The following EMCN variants were observed in gnomAD, a reference collection of about 807,000 sequenced individuals.
The protein encoded by EMCN is endomucin.
A neutral mutation model predicts 38.4 loss-of-function variants in EMCN; 37 were observed. The observed-to-expected ratio is 0.96, with a 90% CI of 0.74 to 1.27. EMCN has a LOEUF of 1.27. Among genes scored for constraint, EMCN ranks in the 50% most tolerant of loss-of-function variants. The pLI, the probability that EMCN is intolerant of heterozygous loss-of-function variation, is 0.00. For missense variants in EMCN, 318 were observed against 302.8 expected, an observed-to-expected ratio of 1.05 and a Z score of -0.37; for synonymous variants, 95 against 100.8, an observed-to-expected ratio of 0.94 and a Z score of 0.35.
chr4:100,405,140 T>C (rs1315561927), intron 11 of EMCN, among the ~76,000 whole-genome samples: 1 of 152,092 alleles, frequency 6.6e-6, no homozygotes, highest in Non-Finnish European at 1.5e-5. Flanking sequence ...TTTCTAGGTA[T>C]AGAAACATAT....
chr4:100,444,256 G>T lies in EMCN; in HGVS notation c.415+3277C>A, dbSNP rs138507879. Among the ~76,000 whole-genome samples the T allele has an allele frequency of 1.8e-4, 27 of 152,302 alleles. No homozygotes were observed. The East Asian group carries it at 4.4e-3, about 25-fold the overall frequency. ...GGGATGTGTTGTGCCACATCTGTCTGGCCCCAGAAATCATGTCCATATGGG... is the reference window on the plus strand; with the variant it reads ...GGGATGTGTTGTGCCACATCTGTCTTGCCCCAGAAATCATGTCCATATGGG... On this transcript the variant is annotated intron_variant, in intron 5 of 11. Coordinates refer to ENST00000296420, the MANE Select transcript of EMCN (RefSeq NM_016242.4).
chr4:100,449,628 C>T (rs1727783195), intron 4 of EMCN, among the ~76,000 whole-genome samples: 1 of 152,010 alleles, frequency 6.6e-6, no homozygotes, highest in South Asian at 2.1e-4. Context: ...AGGTCATAAC[C>T]TTTCTTGGTA....
intron 1 of EMCN, among the ~76,000 whole-genome samples, chr4:100,487,326 A>G (rs1465264737): frequency 6.6e-6 from 1 of 152,180 alleles, no homozygotes; most frequent in Non-Finnish European, 1.5e-5. Context: ...GTAGGGAGCA[A>G]CAAAAGCAAT....
chr4:100,417,928 C>G (rs185222050), intron 8 of EMCN, among the ~76,000 whole-genome samples: 140 of 152,278 alleles, frequency 9.2e-4, no homozygotes, highest in Non-Finnish European at 1.7e-3. Context: ...GCTTCTGTTT[C>G]TTAGATTTCC....
intron 4 of EMCN, among the ~76,000 whole-genome samples, chr4:100,454,671 G>A (rs763420471): frequency 6.6e-6 from 1 of 152,108 alleles, no homozygotes; most frequent in African/African-American, 2.4e-5. Flanking sequence ...TTTTTCTGCG[G>A]AATGTGTTTT....
intron 5 of EMCN, among the ~76,000 whole-genome samples, chr4:100,425,181 A>ACACACACACACACG (rs1292286693): frequency 1.6e-4 from 25 of 151,734 alleles, no homozygotes; most frequent in Non-Finnish European, 3.5e-4. Context: ...ACACACACAC[A>ACACACACACACACG]CACAATTACT....
chr4:100,433,057 A>G (rs1388692290), intron 5 of EMCN, among the ~76,000 whole-genome samples: 2 of 152,168 alleles, frequency 1.3e-5, no homozygotes, highest in Non-Finnish European at 2.9e-5. Context: ...CTTATGTTGT[A>G]CAATAGACTC....
At chr4:100,490,111 A>C (rs1158594820) in intron 1 of EMCN, among the ~76,000 whole-genome samples, 3 of 151,708 alleles carry the variant, frequency 2.0e-5, no homozygotes, top group Non-Finnish European at 4.4e-5. Context: ...TGATGATCAT[A>C]GCCCTGTGTA....
chr4:100,473,365 G>GTTTTTTTTTTTTTTTTTTTTTTTTTTTT lies in EMCN; in HGVS notation c.259+1672_259+1673insAAAAAAAAAAAAAAAAAAAAAAAAAAAA. Among the ~76,000 whole-genome samples the GTTTTTTTTTTTTTTTTTTTTTTTTTTTT allele has an allele frequency of 5.0e-4, 15 of 29,874 alleles. 4 individuals carry two copies. The highest frequency in any genetic ancestry group is 1.9e-3 in the East Asian group (2 of 1,034). 19.6% of individuals were successfully genotyped at this position (29,874 alleles called of 152,430 possible). A position where few individuals can be genotyped will look rare whatever the true frequency, so the allele number is the denominator to read the frequency against. On this transcript the variant is annotated intron_variant, in intron 3 of 11. Transcript: ENST00000296420. ...TTCTAATGGGCATTTCCCGTTTCGT[G>GTTTTTTTTTTTTTTTTTTTTTTTTTTTT]TTTTTTTGTTTTTTTTTTTTGTTTT...
chr4:100,462,908 G>T (rs1309280021), intron 4 of EMCN, among the ~76,000 whole-genome samples: 5 of 152,110 alleles, frequency 3.3e-5, no homozygotes, highest in Non-Finnish European at 4.4e-5. Context: ...TTCTAGACAA[G>T]AGTAGGTCTT....
intron 11 of EMCN, among the ~76,000 whole-genome samples, chr4:100,407,886 A>G (rs1297207214): frequency 6.6e-6 from 1 of 152,106 alleles, no homozygotes; most frequent in Non-Finnish European, 1.5e-5. Context: ...TTGTCTTTTT[A>G]CATAATCTCA....
At chr4:100,475,148 A>G (rs774533521) in intron 2 of EMCN, 39 bp from the exon 3 acceptor site, 12 of 989,152 alleles carry the variant, frequency 1.2e-5, no homozygotes, top group Middle Eastern at 2.2e-4. Context: ...ATTAATCATA[A>G]TCTCATGTTA....
chr4:100,443,604 T>G (rs1164453351), intron 5 of EMCN, among the ~76,000 whole-genome samples: 1 of 152,236 alleles, frequency 6.6e-6, no homozygotes, highest in East Asian at 1.9e-4. Context: ...ATAGCAGCAC[T>G]GGGAGCCAGG....
intron 4 of EMCN, among the ~76,000 whole-genome samples, chr4:100,454,295 T>C (rs906034780): frequency 6.7e-6 from 1 of 150,078 alleles, no homozygotes; most frequent in African/African-American, 2.5e-5. Flanking sequence ...TGCAAGGAAG[T>C]TTTACACTCA....
intron 1 of EMCN, among the ~76,000 whole-genome samples, chr4:100,512,497 T>G (rs773348530): frequency 5.9e-5 from 9 of 152,148 alleles, no homozygotes; most frequent in African/African-American, 9.7e-5. Context: ...ACACAGGAAT[T>G]GAAAGTTACT....
chr4:100,441,790 A>G (rs1269162326), intron 5 of EMCN, among the ~76,000 whole-genome samples: 1 of 152,060 alleles, frequency 6.6e-6, no homozygotes, highest in African/African-American at 2.4e-5. Context: ...CTTTCCCCTC[A>G]CAATTTGCTT....
chr4:100,486,493 G>A (rs1728945914), intron 1 of EMCN, among the ~76,000 whole-genome samples: 1 of 152,186 alleles, frequency 6.6e-6, no homozygotes, highest in African/African-American at 2.4e-5. Flanking sequence ...AAGTATTGTA[G>A]CAAGCACAAC....
In EMCN at chr4:100,397,211, AAT is replaced by A. The variant is rs1726142888; in HGVS notation, c.*1200_*1201del. 2 of 152,162 alleles carry A rather than the reference AAT, an allele frequency of 1.3e-5. No homozygotes were observed. The highest frequency in any genetic ancestry group is 4.8e-5 in the African/African-American group (2 of 41,452). 9.4% of individuals were successfully genotyped at this position (152,162 alleles called of 1,614,324 possible). The stretch of plus-strand genomic sequence containing the variant: ...ATTTAGCATCAAAATCAGCTTAGAT[AAT>A]CATACGTTACAAAGCTGCCACCAGC... On this transcript the variant is annotated 3_prime_UTR_variant, in exon 12 of 12. Transcript: ENST00000296420.
intron 5 of EMCN, among the ~76,000 whole-genome samples, chr4:100,424,861 A>G (rs757749779): frequency 1.3e-5 from 2 of 152,050 alleles, no homozygotes; most frequent in South Asian, 2.1e-4. Flanking sequence ...TCCTTTTGGG[A>G]TTTCTCAAGG....
Sources: allele counts gnomAD v4.1 joint callset (sites outside exome capture counted in the v4.1 genomes callset), GRCh38; gene constraint gnomAD v4.1.1; transcripts MANE v1.5; gene names NCBI Gene and HGNC (gene_info 2026-07-23, HGNC 2026-07-21).